XKR4: variants seen among roughly 807,000 people sequenced by gnomAD.
XKR4 encodes the protein XK-related protein 4.
Under a neutral mutation model 53.9 loss-of-function variants are expected in XKR4, and 12 were observed. The observed-to-expected ratio is 0.22, with a 90% CI of 0.14 to 0.36. XKR4 has a LOEUF of 0.36. Ranked by LOEUF, XKR4 falls within the 10% of genes least tolerant of loss-of-function variation. The pLI, the probability that XKR4 is intolerant of heterozygous loss-of-function variation, is 1.00. For missense variants in XKR4, 799 were observed against 859.5 expected (o/e 0.93, Z 0.88); for synonymous variants, 354 against 362.4 (o/e 0.98, Z 0.26).
intron 1 of XKR4, among the ~76,000 whole-genome samples, chr8:55,266,973 C>T (rs1818612597): frequency 6.6e-6 from 1 of 152,132 alleles, no homozygotes; most frequent in African/African-American, 2.4e-5. Flanking sequence ...AATTCACGAC[C>T]TCTCCTCCCA....
intron 1 of XKR4, among the ~76,000 whole-genome samples, chr8:55,265,882 G>C: frequency 6.6e-6 from 1 of 151,918 alleles, no homozygotes; most frequent in East Asian, 1.9e-4. Flanking sequence ...CTACTTGGGA[G>C]GCTGAGGCAG....
chr8:55,243,825 G>T (rs1422529411), intron 1 of XKR4, among the ~76,000 whole-genome samples: 1 of 152,214 alleles, frequency 6.6e-6, no homozygotes, highest in Non-Finnish European at 1.5e-5. Context: ...GGGACAACTG[G>T]AAGAGGAAGG....
At chr8:55,355,037 G>A (rs1803778558) in intron 1 of XKR4, among the ~76,000 whole-genome samples, 2 of 151,748 alleles carry the variant, frequency 1.3e-5, no homozygotes, top group African/African-American at 4.8e-5. Flanking sequence ...CCAAGTAGCT[G>A]GGATTACAGG....
intron 2 of XKR4, among the ~76,000 whole-genome samples, chr8:55,394,979 T>C (rs1804493409): frequency 6.6e-6 from 1 of 152,176 alleles, no homozygotes; most frequent in African/African-American, 2.4e-5. Flanking sequence ...CAGGGAGGCA[T>C]GATTGAGGGA....
intron 2 of XKR4, among the ~76,000 whole-genome samples, chr8:55,385,208 C>T (rs35179046): frequency 6.6e-6 from 1 of 152,118 alleles, no homozygotes; most frequent in Non-Finnish European, 1.5e-5. Flanking sequence ...CAGGCCCTGC[C>T]TACTCTCCGC....
intron 1 of XKR4, among the ~76,000 whole-genome samples, chr8:55,222,832 G>A (rs1330980292): frequency 1.3e-5 from 2 of 151,512 alleles, no homozygotes; most frequent in African/African-American, 2.4e-5. Context: ...TTTAAAGGAG[G>A]GGATTTTTTT....
chr8:55,300,647 G>A (rs1286134375), intron 1 of XKR4, among the ~76,000 whole-genome samples: 1 of 152,122 alleles, frequency 6.6e-6, no homozygotes, highest in African/African-American at 2.4e-5. Flanking sequence ...ACAAGGGGGA[G>A]GAGCAAGCAT....
chr8:55,356,204 G>A (rs1180950966), intron 1 of XKR4, among the ~76,000 whole-genome samples: 1 of 152,138 alleles, frequency 6.6e-6, no homozygotes, highest in Non-Finnish European at 1.5e-5. Flanking sequence ...AACCTTGATT[G>A]CAATATCATC....
At chr8:55,381,863 A>G (rs752364386) in intron 2 of XKR4, among the ~76,000 whole-genome samples, 5 of 152,170 alleles carry the variant, frequency 3.3e-5, no homozygotes, top group Admixed American at 3.3e-4. Flanking sequence ...ATACCCACAC[A>G]TGGAATGTGT....
chr8:55,112,562 GT>G (rs761779642), intron 1 of XKR4, among the ~76,000 whole-genome samples: 2,748 of 77,056 alleles, frequency 0.036, 73 homozygotes, highest in African/African-American at 0.088. Flanking sequence ...TACTTTTCAG[GT>G]TTTTTTTTTT....
At chr8:55,225,840 T>C (rs1817945001) in intron 1 of XKR4, among the ~76,000 whole-genome samples, 2 of 152,220 alleles carry the variant, frequency 1.3e-5, no homozygotes, top group African/African-American at 4.8e-5. Flanking sequence ...AATGTACTAT[T>C]ATAATGTCTC....
intron 1 of XKR4, among the ~76,000 whole-genome samples, chr8:55,349,951 C>A (rs958354620): frequency 6.6e-6 from 1 of 152,024 alleles, no homozygotes; most frequent in Non-Finnish European, 1.5e-5. Context: ...ATGATCCCAC[C>A]ACTGAGAGAT....
intron 1 of XKR4, among the ~76,000 whole-genome samples, chr8:55,123,491 A>T (rs987708731): frequency 1.3e-5 from 2 of 152,198 alleles, no homozygotes; most frequent in Non-Finnish European, 2.9e-5. Context: ...AGCCCAGAGC[A>T]TAGGCTCAGG....
Position 55,164,783 on chromosome 8 carries a change from CACACAT to C in XKR4, c.806+61495_806+61500del, listed in dbSNP as rs879326272. On this transcript the variant is annotated intron_variant, in intron 1 of 2. Coordinates refer to ENST00000327381, the MANE Select transcript of XKR4 (RefSeq NM_052898.2). ...TGATTCCTTCTAACAAAAGTTCACA[CACACAT>C]ACACACACACACACACACACACACA... is the stretch of plus-strand genomic sequence containing the variant. 1,060 of 140,072 alleles carry C rather than the reference CACACAT, an allele frequency of 7.6e-3. 8 individuals are homozygous for C. The highest frequency in any genetic ancestry group is 0.01 in the Non-Finnish European group (766 of 76,584). 8.7% of individuals were successfully genotyped at this position (140,072 alleles called of 1,614,324 possible).
intron 2 of XKR4, among the ~76,000 whole-genome samples, chr8:55,370,568 A>C (rs1443023384): frequency 6.6e-6 from 1 of 152,234 alleles, no homozygotes; most frequent in African/African-American, 2.4e-5. Context: ...AACACTTCCC[A>C]AAAGTCTGAC....
intron 1 of XKR4, among the ~76,000 whole-genome samples, chr8:55,294,328 C>G (rs1196361778): frequency 5.9e-5 from 9 of 152,104 alleles, no homozygotes; most frequent in Admixed American, 5.9e-4. Context: ...AAATATACAC[C>G]AACTACTCCC....
intron 2 of XKR4, among the ~76,000 whole-genome samples, chr8:55,366,130 G>A (rs1039248272): frequency 4.6e-5 from 7 of 152,206 alleles, no homozygotes; most frequent in African/African-American, 1.4e-4. Context: ...ATATGCAGAG[G>A]AAACCAGAAA....
intron 1 of XKR4, among the ~76,000 whole-genome samples, chr8:55,342,247 C>A (rs1361092974): frequency 2.0e-5 from 3 of 152,024 alleles, no homozygotes; most frequent in Non-Finnish European, 2.9e-5. Context: ...AACATGGTCA[C>A]AAATCCCACT....
Position 55,528,673 on chromosome 8 carries a change from T to C in XKR4, c.*4446T>C, listed in dbSNP as rs994503687. The C allele has an allele frequency of 2.6e-5, 4 of 152,196 alleles. No homozygotes were observed. The highest frequency in any genetic ancestry group is 7.2e-5 in the African/African-American group (3 of 41,444). 9.4% of individuals were successfully genotyped at this position (152,196 alleles called of 1,614,324 possible). A position where few individuals can be genotyped will look rare whatever the true frequency, so the allele number is the denominator to read the frequency against. ...TAGCTCAGAGGATGGTTGAAGCGCA[T>C]GGTGAAAACACAGGAGGACTGGGGT... On this transcript the variant is annotated 3_prime_UTR_variant, in exon 3 of 3. Transcript: ENST00000327381.
Sources: allele counts gnomAD v4.1 joint callset (sites outside exome capture counted in the v4.1 genomes callset), GRCh38; gene constraint gnomAD v4.1.1; transcripts MANE v1.5; gene names NCBI Gene and HGNC (gene_info 2026-07-23, HGNC 2026-07-21).